EYS: variants seen among roughly 807,000 people sequenced by gnomAD.
EYS encodes the protein protein eyes shut homolog.
Under a neutral mutation model 282.1 loss-of-function variants are expected in EYS, and 250 were observed. The observed-to-expected ratio is 0.89, with a 90% CI of 0.80 to 0.98. EYS has a LOEUF of 0.98. Among genes scored for constraint, EYS ranks in the 50% least tolerant of loss-of-function variants. The probability of loss-of-function intolerance (pLI) is 0.00; values close to 1 mark genes in which losing one functional copy is unlikely to be tolerated. For synonymous variants in EYS, 1,355 were observed against 1,282.9 expected (o/e 1.06, Z -1.20); for missense variants, 4,016 against 3,709.0 (o/e 1.08, Z -2.15).
chr6:64,671,133 T>C (rs929600233), intron 22 of EYS, among the ~76,000 whole-genome samples: 3 of 152,166 alleles, frequency 2.0e-5, no homozygotes, highest in Admixed American at 6.5e-5. Context: ...TATCTACTTT[T>C]TTACCTGGAG....
intron 12 of EYS, among the ~76,000 whole-genome samples, chr6:65,232,143 A>T (rs763860802): frequency 6.6e-6 from 1 of 152,028 alleles, no homozygotes; most frequent in Non-Finnish European, 1.5e-5. Context: ...GTTCCAAGAG[A>T]CATATTCCTA....
intron 2 of EYS, among the ~76,000 whole-genome samples, chr6:65,575,267 C>G (rs1258663283): frequency 6.6e-6 from 1 of 151,610 alleles, no homozygotes; most frequent in Admixed American, 6.6e-5. Flanking sequence ...GTGGAAGGTG[C>G]AGTGAGCTGA....
At chr6:64,484,243 T>C (rs1314515565) in intron 26 of EYS, among the ~76,000 whole-genome samples, 1 of 151,592 alleles carries the variant, frequency 6.6e-6, no homozygotes, top group Non-Finnish European at 1.5e-5. Context: ...AGTCAGACCA[T>C]GAATACCTTC....
chr6:64,326,715 G>T (rs910436026), intron 29 of EYS, among the ~76,000 whole-genome samples: 1 of 152,226 alleles, frequency 6.6e-6, no homozygotes, highest in East Asian at 1.9e-4. Context: ...CCTTGGCACT[G>T]CCAGGAGAGT....
rs58002234 is a variant in EYS at position 63,863,681 on chromosome 6, T to TTTC, written c.7228+504_7228+505insGAA. 2.8e-4 allele frequency among the ~76,000 whole-genome samples: 39 copies of TTTC among 141,066 alleles called. 1 individual carries two copies. The East Asian group carries it at 6.5e-3, about 23-fold the overall frequency. 92.5% of individuals were successfully genotyped at this position (141,066 alleles called of 152,430 possible). A position where few individuals can be genotyped will look rare whatever the true frequency, so the allele number is the denominator to read the frequency against. ...TTCTTTTCTTTTCTTTTTTCTTTTT[T>TTTC]TTTTTTTTTTTTGAGATGGAGTCTC... On this transcript the variant is annotated intron_variant, in intron 36 of 42. Transcript: ENST00000503581.
chr6:64,721,351 T>A lies in EYS; in HGVS notation c.3443+92027A>T, dbSNP rs545519735. 3.3e-5 allele frequency among the ~76,000 whole-genome samples: 5 copies of A among 152,278 alleles called. No homozygotes were observed. The South Asian group carries it at 1.0e-3, about 32-fold the overall frequency. On this transcript the variant is annotated intron_variant, in intron 22 of 42. Transcript: ENST00000503581. ...TTTAACTATGGTGGCCAGAGTCAGATGCTTTGCTGAGAAAGTATCTGAGCA... is the reference window on the plus strand; with the variant it reads ...TTTAACTATGGTGGCCAGAGTCAGAAGCTTTGCTGAGAAAGTATCTGAGCA...
At chr6:65,430,799 C>T (rs1767856851) in intron 5 of EYS, among the ~76,000 whole-genome samples, 1 of 152,192 alleles carries the variant, frequency 6.6e-6, no homozygotes, top group African/African-American at 2.4e-5. Flanking sequence ...AACCTGCTGA[C>T]TTGCAGGAAA....
At chr6:64,475,631 A>G (rs963850211) in intron 26 of EYS, among the ~76,000 whole-genome samples, 32 of 152,142 alleles carry the variant, frequency 2.1e-4, no homozygotes, top group Admixed American at 2.0e-3. Flanking sequence ...AACACTTCAT[A>G]TCAGGTAAAT....
At chr6:64,918,100 C>T (rs964129530) in intron 15 of EYS, among the ~76,000 whole-genome samples, 1 of 151,778 alleles carries the variant, frequency 6.6e-6, no homozygotes, top group South Asian at 2.1e-4. Context: ...ATATTCATAC[C>T]GAATTATAAC....
At chr6:63,977,782 G>A (rs565351776) in intron 35 of EYS, among the ~76,000 whole-genome samples, 122 of 152,058 alleles carry the variant, frequency 8.0e-4, no homozygotes, top group Non-Finnish European at 1.5e-3. Context: ...CAGCTCATAA[G>A]AAAACCTTTC....
intron 26 of EYS, 81 bp downstream of exon 26, chr6:64,590,142 G>T (rs2149830827): frequency 1.7e-5 from 22 of 1,267,878 alleles, no homozygotes; most frequent in Non-Finnish European, 2.4e-5. Flanking sequence ...AGAGCACCCG[G>T]TGACCATGAC....
intron 4 of EYS, chr6:65,491,268 TATACACACAC>T (rs1033849316): frequency 8.7e-5 from 14 of 160,644 alleles, no homozygotes; most frequent in East Asian, 3.5e-4. Context: ...ATATCAGTTA[TATACACACAC>T]ACACACACAC....
chr6:64,994,060 CTAGATTAATTTGATCA>C (rs1159029569), intron 14 of EYS, among the ~76,000 whole-genome samples: 1 of 151,632 alleles, frequency 6.6e-6, no homozygotes, highest in Non-Finnish European at 1.5e-5. Flanking sequence ...AGGGGAAATA[CTAGATTAATTTGATCA>C]TACATATTTA....
chr6:64,518,865 G>GT (rs1339159074), intron 26 of EYS, among the ~76,000 whole-genome samples: 1 of 150,684 alleles, frequency 6.6e-6, no homozygotes, highest in Non-Finnish European at 1.5e-5. Flanking sequence ...TGCCATAATT[G>GT]TAAGTTTCCT....
At chr6:64,528,310 C>T (rs1372436760) in intron 26 of EYS, among the ~76,000 whole-genome samples, 3 of 151,772 alleles carry the variant, frequency 2.0e-5, no homozygotes, top group East Asian at 3.9e-4. Flanking sequence ...TTTTCACTTC[C>T]GCATCACTGC....
intron 33 of EYS, among the ~76,000 whole-genome samples, chr6:64,033,117 A>G (rs1048152934): frequency 6.6e-6 from 1 of 152,186 alleles, no homozygotes; most frequent in African/African-American, 2.4e-5. Flanking sequence ...CAGAAACCAC[A>G]TTTAGATTTC....
chr6:64,085,477 G>T (rs1209760673), intron 31 of EYS, among the ~76,000 whole-genome samples: 1 of 151,966 alleles, frequency 6.6e-6, no homozygotes, highest in Non-Finnish European at 1.5e-5. Context: ...AGGTACGGTG[G>T]GTGGAAGAGG....
At chr6:65,325,554 C>G (rs1252928009) in intron 11 of EYS, among the ~76,000 whole-genome samples, 2 of 151,958 alleles carry the variant, frequency 1.3e-5, no homozygotes, top group Non-Finnish European at 2.9e-5. Context: ...CTCTTTGACT[C>G]CAGGACACTT....
intron 12 of EYS, among the ~76,000 whole-genome samples, chr6:65,243,690 A>G (rs111788561): frequency 0.013 from 2,016 of 152,114 alleles, 42 homozygotes; most frequent in African/African-American, 0.045. Flanking sequence ...TCTTACCACC[A>G]TTTTGGAAAT....
Sources: allele counts gnomAD v4.1 joint callset (sites outside exome capture counted in the v4.1 genomes callset), GRCh38; gene constraint gnomAD v4.1.1; transcripts MANE v1.5; gene names NCBI Gene and HGNC (gene_info 2026-07-23, HGNC 2026-07-21).